RBFOX2: variants seen among roughly 807,000 people sequenced by gnomAD.
The protein encoded by RBFOX2 is RNA binding fox-1 homolog 2.
Under a neutral mutation model 49.1 loss-of-function variants are expected in RBFOX2, and 10 were observed. That is an observed-to-expected ratio of 0.20 (90% confidence interval 0.13 to 0.35). RBFOX2 has a LOEUF of 0.35. Ranked by LOEUF, RBFOX2 falls within the 10% of genes least tolerant of loss-of-function variation. RBFOX2 has a pLI of 1.00. For synonymous variants in RBFOX2, 183 were observed against 187.4 expected (o/e 0.98, Z 0.19); for missense variants, 323 against 486.9 (o/e 0.66, Z 3.17).
intron 1 of RBFOX2, among the ~76,000 whole-genome samples, chr22:35,855,395 A>G (rs2042396959): frequency 1.3e-5 from 2 of 152,114 alleles, no homozygotes; most frequent in Non-Finnish European, 2.9e-5. Flanking sequence ...TTTAGCAAAG[A>G]CATGCAATAC....
In RBFOX2 at chr22:35,870,394, C is replaced by G. The variant is rs562025799; in HGVS notation, c.-33-60390G>C. Among the ~76,000 whole-genome samples the G allele has an allele frequency of 2.5e-4, 38 of 152,230 alleles. No individual in the cohort carries two copies. In the South Asian group the frequency reaches 7.7e-3, roughly 31 times the overall value. On this transcript the variant is annotated intron_variant, in intron 1 of 13. Transcript: ENST00000359369. The stretch of plus-strand genomic sequence containing the variant: ...GGCTGAGGCAGGTGAATTGCTTGAA[C>G]CCAGGAGGTGGAGGCTGCAGTGAGC...
At chr22:36,006,688 T>C (rs1327016988) in intron 1 of RBFOX2, among the ~76,000 whole-genome samples, 3 of 152,142 alleles carry the variant, frequency 2.0e-5, no homozygotes, top group Non-Finnish European at 2.9e-5. Context: ...CACCCCAACC[T>C]CACTGACTCA....
chr22:36,006,753 T>C (rs1018053314), intron 1 of RBFOX2, among the ~76,000 whole-genome samples: 14 of 152,220 alleles, frequency 9.2e-5, no homozygotes, highest in African/African-American at 3.1e-4. Context: ...TTGTCTAGAA[T>C]GACCTGCCCT....
In RBFOX2 at chr22:35,835,001, T is replaced by C. The variant is rs1368605741; in HGVS notation, c.27+5191A>G. On this transcript the variant is annotated intron_variant, in intron 1 of 11. Transcript: ENST00000405409. Reference sequence around the variant, plus strand: ...TTAAGAGTCTGGGGAATAGACACAATACATTGTGATGGCAGAATGCAGCAT... The same window carrying C: ...TTAAGAGTCTGGGGAATAGACACAACACATTGTGATGGCAGAATGCAGCAT... 3.3e-5 allele frequency among the ~76,000 whole-genome samples: 5 copies of C among 152,292 alleles called. No individual in the cohort carries two copies. In the East Asian group the frequency reaches 9.6e-4, roughly 29 times the overall value.
chr22:35,905,191 G>C (rs1341264411), intron 1 of RBFOX2, among the ~76,000 whole-genome samples: 1 of 152,036 alleles, frequency 6.6e-6, no homozygotes, highest in Non-Finnish European at 1.5e-5. Flanking sequence ...TTAAGAAAAG[G>C]AACTGGGAAG....
intron 9 of RBFOX2, 31 bp from the exon 11 acceptor site, chr22:35,756,175 A>AAAAAC: frequency 6.7e-7 from 1 of 1,484,800 alleles, no homozygotes; most frequent in Non-Finnish European, 9.0e-7. Context: ...AACAAAAACA[A>AAAAAC]AAAAAACAAA....
intron 1 of RBFOX2, among the ~76,000 whole-genome samples, chr22:35,959,311 T>C (rs1179996790): frequency 6.6e-6 from 1 of 152,196 alleles, no homozygotes; most frequent in Admixed American, 6.5e-5. Context: ...GAGCCATAAT[T>C]ATAACTGTTC....
chr22:35,957,670 A>C (rs1320016759), intron 1 of RBFOX2, among the ~76,000 whole-genome samples: 1 of 152,184 alleles, frequency 6.6e-6, no homozygotes, highest in Admixed American at 6.5e-5. Context: ...GTTTCAAGTG[A>C]CATGTCCAAG....
At chr22:35,787,325 A>C (rs959020281) in intron 2 of RBFOX2, among the ~76,000 whole-genome samples, 16 of 152,184 alleles carry the variant, frequency 1.1e-4, no homozygotes, top group Admixed American at 5.9e-4. Flanking sequence ...GGCATGAGCC[A>C]CTGTGCCTGG....
chr22:36,027,630 G>A (rs1045007603), intron 1 of RBFOX2, among the ~76,000 whole-genome samples: 2 of 152,164 alleles, frequency 1.3e-5, no homozygotes, highest in African/African-American at 4.8e-5. Context: ...AGACTCATTA[G>A]TATGCTCCAC....
intron 9 of RBFOX2, among the ~76,000 whole-genome samples, chr22:35,751,946 G>T (rs1009454259): frequency 2.0e-5 from 3 of 152,162 alleles, no homozygotes; most frequent in Non-Finnish European, 4.4e-5. Context: ...TAAATAAACT[G>T]GATTGTGAAA....
intron 4 of RBFOX2, among the ~76,000 whole-genome samples, chr22:35,771,848 T>C (rs1477475984): frequency 6.6e-6 from 1 of 152,172 alleles, no homozygotes; most frequent in African/African-American, 2.4e-5. Flanking sequence ...TGTTCACAGA[T>C]TATCCAGGTT....
chr22:35,908,397 A>G (rs2049365907), intron 1 of RBFOX2, among the ~76,000 whole-genome samples: 1 of 152,224 alleles, frequency 6.6e-6, no homozygotes, highest in South Asian at 2.1e-4. Context: ...GCCTATCTTA[A>G]ACATGCTCAG....
At chr22:36,023,723 G>A (rs1464702530) in intron 1 of RBFOX2, among the ~76,000 whole-genome samples, 1 of 152,074 alleles carries the variant, frequency 6.6e-6, no homozygotes, top group East Asian at 1.9e-4. Context: ...CAGCTTTCCA[G>A]TTGAGTTTGT....
intron 2 of RBFOX2, 55 bp downstream of exon 3, chr22:35,809,725 A>G (rs1702652683): frequency 2.6e-6 from 4 of 1,562,294 alleles, no homozygotes. Context: ...TTAAGGCGAC[A>G]ATTTCTATAT....
chr22:35,853,876 A>G (rs1321296070), intron 1 of RBFOX2, among the ~76,000 whole-genome samples: 2 of 152,144 alleles, frequency 1.3e-5, no homozygotes, highest in Non-Finnish European at 2.9e-5. Flanking sequence ...TACTTTCAAT[A>G]CAAGTACTTT....
At chr22:35,879,740 T>C (rs1256037197) in intron 1 of RBFOX2, among the ~76,000 whole-genome samples, 2 of 152,236 alleles carry the variant, frequency 1.3e-5, no homozygotes, top group African/African-American at 4.8e-5. Context: ...CAAAGGATTA[T>C]GTCAGATGTT....
chr22:35,744,273 A>G (rs1175106302), intron 11 of RBFOX2, 24 bp from the exon 14 acceptor site: 2 of 1,599,312 alleles, frequency 1.3e-6, no homozygotes, highest in Admixed American at 3.4e-5. Flanking sequence ...AGAGATAAAA[A>G]TAATTAAAAG....
intron 1 of RBFOX2, among the ~76,000 whole-genome samples, chr22:35,828,451 G>A (rs1234663893): frequency 6.6e-6 from 1 of 152,132 alleles, no homozygotes; most frequent in South Asian, 2.1e-4. Flanking sequence ...CACAGGGGAC[G>A]GTACTGGAGA....
Sources: allele counts gnomAD v4.1 joint callset (sites outside exome capture counted in the v4.1 genomes callset), GRCh38; gene constraint gnomAD v4.1.1; transcripts MANE v1.5; gene names NCBI Gene and HGNC (gene_info 2026-07-23, HGNC 2026-07-21).